Variants in STARD9 observed in about 807,000 individuals in gnomAD.
The protein encoded by STARD9 is stAR-related lipid transfer protein 9.
A neutral mutation model predicts 399.8 loss-of-function variants in STARD9; 346 were observed. That is an observed-to-expected ratio of 0.87 (90% confidence interval 0.79 to 0.95). The LOEUF is 0.95. Ranked by LOEUF, STARD9 falls within the 40% of genes least tolerant of loss-of-function variation. STARD9 has a pLI of 0.00. For synonymous variants in STARD9, 2,203 were observed against 2,143.5 expected (o/e 1.03, Z -0.77); for missense variants, 5,832 against 5,667.5 (o/e 1.03, Z -0.93).
chr15:42,589,669 C>G (rs1031041510), intron 3 of STARD9, among the ~76,000 whole-genome samples: 1 of 150,474 alleles, frequency 6.6e-6, no homozygotes, highest in South Asian at 2.1e-4. Flanking sequence ...CGCAGTGGTG[C>G]GATCATGGCT....
chr15:42,708,688 T>C (rs1179117423), intron 26 of STARD9, among the ~76,000 whole-genome samples: 3 of 152,204 alleles, frequency 2.0e-5, no homozygotes, highest in Non-Finnish European at 4.4e-5. Context: ...TCTTTTTTTT[T>C]TCATGTAAGA....
Position 42,692,390 on chromosome 15 carries a change from C to A in STARD9, c.10812C>A (p.Pro3604=). The A allele has an allele frequency of 6.5e-7, 1 of 1,536,970 alleles. No individual in the cohort carries two copies. Among genetic ancestry groups the A allele is most frequent in the South Asian group, 1.2e-5 (1 of 84,064 alleles). ...SGEADCLRSK[P]PLAKGSAAGP... Reference sequence around the variant, plus strand: ...AAGCAGACTGTCTGAGGAGTAAGCCCCCCTTGGCCAAAGGAAGTGCTGCAG... The same window carrying A: ...AAGCAGACTGTCTGAGGAGTAAGCCACCCTTGGCCAAAGGAAGTGCTGCAG... The change falls in exon 23 of 33, where the codon CCC becomes CCA. Residue 3604 remains proline (P), a synonymous_variant. Transcript: ENST00000290607.
At chr15:42,581,591 T>C in intron 1 of STARD9, 3 of 774,752 alleles carry the variant, frequency 3.9e-6, no homozygotes, top group Non-Finnish European at 6.4e-6. Context: ...CTCTGCGCAC[T>C]CCTCGCTCGC....
chr15:42,687,082 G>A lies in STARD9; in HGVS notation c.5504G>A (p.Cys1835Tyr). The change falls in exon 23 of 33, where the codon TGC becomes TAC. Residue 1835 changes from cysteine to tyrosine, a missense_variant. Physicochemically the swap from Cys to Tyr is radical, Grantham distance 194. Around this residue, in one of 2 missense-constraint regions of STARD9, gnomAD observed 5,828 missense variants for 5,651.1 expected, o/e 1.03. Coordinates refer to ENST00000290607, the MANE Select transcript of STARD9 (RefSeq NM_020759.3). ...TREVIRESGK[C>Y]PGNITEESHD... ...GAAGTCATCAGAGAATCAGGTAAAT[G>A]CCCTGGAAATATTACAGAAGAAAGC... is the stretch of plus-strand genomic sequence containing the variant. 2 of 1,537,204 alleles carry A rather than the reference G, an allele frequency of 1.3e-6. No homozygotes were observed. Among genetic ancestry groups the A allele is most frequent in the Non-Finnish European group, 1.7e-6 (2 of 1,146,904 alleles).
At chr15:42,577,004 G>C (rs760057838) in intron 1 of STARD9, among the ~76,000 whole-genome samples, 8 of 151,982 alleles carry the variant, frequency 5.3e-5, no homozygotes, top group East Asian at 1.9e-4. Context: ...GGCTGGGGGG[G>C]GTTTTATAAG....
intron 15 of STARD9, among the ~76,000 whole-genome samples, chr15:42,667,055 T>G (rs1171607223): frequency 6.6e-6 from 1 of 152,014 alleles, no homozygotes; most frequent in African/African-American, 2.4e-5. Flanking sequence ...CCTCAGGTAA[T>G]CCACCCGCCT....
At chr15:42,710,027 T>C (rs1566964373) in intron 26 of STARD9, among the ~76,000 whole-genome samples, 1 of 151,842 alleles carries the variant, frequency 6.6e-6, no homozygotes, top group Non-Finnish European at 1.5e-5. Context: ...TCTTTCAGCT[T>C]GGGTCTTGTG....
intron 3 of STARD9, among the ~76,000 whole-genome samples, chr15:42,596,908 A>G (rs2058517260): frequency 6.6e-6 from 1 of 152,002 alleles, no homozygotes; most frequent in African/African-American, 2.4e-5. Flanking sequence ...TATACCTCCC[A>G]CTCATCTTAT....
intron 23 of STARD9, 67 bp downstream of exon 23, chr15:42,694,409 G>C (rs1029044474): frequency 6.5e-7 from 1 of 1,531,400 alleles, no homozygotes; most frequent in Non-Finnish European, 8.8e-7. Flanking sequence ...ACCCAAGAAA[G>C]CTAATAGCTT....
intron 15 of STARD9, among the ~76,000 whole-genome samples, chr15:42,667,625 C>T (rs1334335923): frequency 6.6e-6 from 1 of 151,852 alleles, no homozygotes; most frequent in African/African-American, 2.4e-5. Context: ...ATTACAGGCA[C>T]CCACTGCCAC....
At chr15:42,644,350 G>A (rs112366367) in intron 7 of STARD9, among the ~76,000 whole-genome samples, 3 of 152,130 alleles carry the variant, frequency 2.0e-5, no homozygotes, top group African/African-American at 7.2e-5. Flanking sequence ...AAAATTAGCC[G>A]GGTGTGGTGG....
intron 26 of STARD9, among the ~76,000 whole-genome samples, chr15:42,700,359 G>A (rs957181213): frequency 6.6e-5 from 10 of 152,166 alleles, no homozygotes; most frequent in African/African-American, 2.4e-4. Flanking sequence ...CCTTCATACT[G>A]TTTGCCATAA....
At position 42,663,263 on chromosome 15, in the gene STARD9, CT is replaced by C. The variant is rs1566913784; in HGVS notation, c.869-12del. ...CATAATTCCTTCTTTCTTCCATTTT[CT>C]TTTTTCATCTTTTAAGCCCAGAACT... On this transcript the variant is annotated splice_polypyrimidine_tract_variant and intron_variant, in intron 11 of 32. Transcript: ENST00000290607. 1.3e-5 allele frequency: 19 copies of C among 1,513,418 alleles called. No homozygotes were observed. Among genetic ancestry groups the C allele is most frequent in the Non-Finnish European group, 1.6e-5 (18 of 1,132,798 alleles). The allele number at this position is 1,513,418 out of a possible 1,614,324, so 93.7% of individuals were successfully genotyped here.
At chr15:42,673,921 T>A (rs1473534929) in intron 16 of STARD9, 1 of 456,504 alleles carries the variant, frequency 2.2e-6, no homozygotes, top group Non-Finnish European at 4.4e-6. Context: ...TTTACCCTTC[T>A]TAGAATCTGG....
intron 4 of STARD9, 132 bp from the exon 5 acceptor site, chr15:42,637,775 G>A (rs2059446355): frequency 2.3e-6 from 2 of 883,050 alleles, no homozygotes; most frequent in South Asian, 3.0e-5. Flanking sequence ...CAGTGAAACT[G>A]CCTGGAGTGA....
Position 42,663,372 on chromosome 15 carries a change from G to A in STARD9, c.960G>A (p.Gly320=), listed in dbSNP as rs2060026689. 2.0e-6 allele frequency: 3 copies of A among 1,537,282 alleles called. No individual in the cohort carries two copies. The highest frequency in any genetic ancestry group is 1.2e-5 in the South Asian group (1 of 84,066). Residue 320 remains glycine (G), a synonymous_variant, in exon 12 of 33, where the codon GGG becomes GGA. Coordinates refer to ENST00000290607, the MANE Select transcript of STARD9 (RefSeq NM_020759.3). The part of the protein sequence containing the change: ...GDSGILSSPS[G]TSSGGAPSRR... ...GTGGGATCCTTAGCTCTCCTTCTGG[G>A]ACCAGCAGTGGAGGGGCACCCTCCC...
At position 42,687,401 on chromosome 15, in the gene STARD9, G is replaced by A. The variant is rs1595774451; in HGVS notation, c.5823G>A (p.Gly1941=). ...INVSLEKDMP[G]ESAVSLKSRS... ...TAAGCCTTGAGAAAGACATGCCAGGGGAAAGTGCTGTTTCTTTGAAATCCA... is the reference window on the plus strand; with the variant it reads ...TAAGCCTTGAGAAAGACATGCCAGGAGAAAGTGCTGTTTCTTTGAAATCCA... Residue 1941 remains glycine (G), a synonymous_variant, in exon 23 of 33, where the codon GGG becomes GGA. Transcript: ENST00000290607. 2.0e-6 allele frequency: 3 copies of A among 1,536,864 alleles called. No individual in the cohort carries two copies. Among genetic ancestry groups the A allele is most frequent in the Non-Finnish European group, 2.6e-6 (3 of 1,146,908 alleles).
intron 1 of STARD9, among the ~76,000 whole-genome samples, chr15:42,578,106 A>ATTTTTTTTTT (rs57016102): frequency 7.5e-6 from 1 of 134,126 alleles, no homozygotes; most frequent in Non-Finnish European, 1.7e-5. Flanking sequence ...TTGACGCTCA[A>ATTTTTTTTTT]TTTTTTTTTT....
chr15:42,674,706 C>A, intron 17 of STARD9, 121 bp from the exon 18 acceptor site: 1 of 1,397,242 alleles, frequency 7.2e-7, no homozygotes. Context: ...CAGGTCAGCT[C>A]TTCCTCTTTT....
Sources: gnomAD v4.1 joint callset for allele counts (sites outside exome capture counted in the v4.1 genomes callset) on GRCh38, gnomAD v4.1.1 for gene constraint, gnomAD v4.1.1 regional missense constraint, MANE v1.5 for transcripts, NCBI Gene and HGNC (gene_info 2026-07-23, HGNC 2026-07-21) for gene names.